Variants in MGLL observed in about 807,000 individuals in gnomAD.
MGLL encodes the protein monoglyceride lipase, also known as lysophospholipase homolog.
MGLL carries 7 observed loss-of-function variants against 29.1 expected under a neutral mutation model. The ratio of observed to expected loss-of-function variants is 0.24; its 90% confidence interval spans 0.14 to 0.45. The LOEUF (loss-of-function observed/expected upper bound fraction) is 0.45. Among genes scored for constraint, MGLL ranks in the 20% least tolerant of loss-of-function variants. MGLL has a pLI of 0.99. For synonymous variants in MGLL, 148 were observed against 168.3 expected (o/e 0.88, Z 0.93); for missense variants, 356 against 413.6 (o/e 0.86, Z 1.21).
chr3:127,695,716 C>T (rs987392377), intron 6 of MGLL, among the ~76,000 whole-genome samples: 6 of 152,032 alleles, frequency 3.9e-5, no homozygotes, highest in African/African-American at 1.2e-4. Flanking sequence ...TGCACTCTAG[C>T]CTAGGCGACA....
intron 2 of MGLL, among the ~76,000 whole-genome samples, chr3:127,788,663 G>GCGCACTCCGCAGTCCTTCCA (rs1357367818): frequency 6.6e-6 from 1 of 152,130 alleles, no homozygotes; most frequent in Admixed American, 6.5e-5. Flanking sequence ...CTTGCCCTCT[G>GCGCACTCCGCAGTCCTTCCA]CGCACTCCGC....
intron 5 of MGLL, among the ~76,000 whole-genome samples, chr3:127,716,484 C>A (rs2075817880): frequency 1.3e-5 from 2 of 152,248 alleles, no homozygotes; most frequent in Admixed American, 1.3e-4. Flanking sequence ...TGACGTGCAG[C>A]TTTGCAACAA....
At chr3:127,822,524 C>G (rs966785910), upstream of MGLL, 27 of 607,034 alleles carry the variant, frequency 4.4e-5, no homozygotes, top group Admixed American at 3.9e-4. Flanking sequence ...CCGGGGCTCC[C>G]CTCCCTCCCC....
intron 2 of MGLL, among the ~76,000 whole-genome samples, chr3:127,814,130 T>C (rs1433862963): frequency 2.0e-5 from 3 of 152,086 alleles, no homozygotes; most frequent in Non-Finnish European, 2.9e-5. Flanking sequence ...CATCACCATA[T>C]ACAAGAGACT....
intron 6 of MGLL, among the ~76,000 whole-genome samples, chr3:127,706,633 T>G (rs2075608068): frequency 6.6e-6 from 1 of 152,204 alleles, no homozygotes; most frequent in Admixed American, 6.5e-5. Context: ...GTGCCTGTTG[T>G]TTTTTTAGGG....
At chr3:127,694,924 TC>T (rs1298176088) in intron 7 of MGLL, 50 bp downstream of exon 7, 1 of 1,580,360 alleles carries the variant, frequency 6.3e-7, no homozygotes, top group East Asian at 2.2e-5. Flanking sequence ...GGTGCTGCCT[TC>T]CTGTCCCCCC....
chr3:127,692,355 G>GCAC (rs1346554495), intron 7 of MGLL, 32 bp from the exon 8 acceptor site: 1 of 1,613,516 alleles, frequency 6.2e-7, no homozygotes, highest in South Asian at 1.1e-5. Context: ...AATCAGAGCT[G>GCAC]CACCATCAGA....
intron 3 of MGLL, among the ~76,000 whole-genome samples, chr3:127,743,425 A>T (rs991048492): frequency 6.6e-6 from 1 of 152,192 alleles, no homozygotes; most frequent in Non-Finnish European, 1.5e-5. Flanking sequence ...ATAGCAGGGC[A>T]TTATATACCA....
chr3:127,803,459 G>C (rs1259434231), intron 2 of MGLL, among the ~76,000 whole-genome samples: 1 of 152,198 alleles, frequency 6.6e-6, no homozygotes, highest in Non-Finnish European at 1.5e-5. Context: ...GCAAACCATG[G>C]CCGATGCTGG....
chr3:127,748,408 AAGAGAGAGAGAGAGAGAGAGGG>A (rs147251606), intron 3 of MGLL, among the ~76,000 whole-genome samples: 17,288 of 137,680 alleles, frequency 0.13, 1,110 homozygotes, highest in Non-Finnish European at 0.16. Context: ...GAGAGAGAGA[AAGAGAGAGAGAGAGAGAGAGGG>A]AGAGAGAGAG....
chr3:127,801,220 T>C (rs2077473108), intron 2 of MGLL, among the ~76,000 whole-genome samples: 1 of 149,390 alleles, frequency 6.7e-6, no homozygotes, highest in Admixed American at 6.7e-5. Flanking sequence ...GAGAATCGCT[T>C]GAACCCAGGA....
chr3:127,748,275 C>T (rs556275175), intron 3 of MGLL, among the ~76,000 whole-genome samples: 23 of 152,170 alleles, frequency 1.5e-4, no homozygotes, highest in African/African-American at 5.3e-4. Flanking sequence ...GAATTAAATC[C>T]GAGTCATTCT....
At chr3:127,705,957 G>A (rs2075594528) in intron 6 of MGLL, among the ~76,000 whole-genome samples, 3 of 152,250 alleles carry the variant, frequency 2.0e-5, no homozygotes, top group African/African-American at 4.8e-5. Context: ...TAGTGTTGGC[G>A]AGGATGTAGG....
intron 2 of MGLL, 52 bp downstream of exon 2, chr3:127,821,642 G>C: frequency 2.5e-6 from 4 of 1,600,158 alleles, no homozygotes; most frequent in Non-Finnish European, 3.4e-6. Context: ...CAGAGGAGAA[G>C]CAGGGGCCAT....
intron 5 of MGLL, chr3:127,715,939 G>A (rs895799005): frequency 2.4e-6 from 1 of 409,292 alleles, no homozygotes; most frequent in Non-Finnish European, 5.0e-6. Flanking sequence ...TCCTACAGGA[G>A]CATTGAGAGA....
At chr3:127,693,924 G>T (rs749210949) in intron 7 of MGLL, among the ~76,000 whole-genome samples, 1 of 152,158 alleles carries the variant, frequency 6.6e-6, no homozygotes, top group Non-Finnish European at 1.5e-5. Flanking sequence ...TTGGTGTAAG[G>T]GCGGTCTCAG....
At chr3:127,697,738 G>A (rs1427440024) in intron 6 of MGLL, among the ~76,000 whole-genome samples, 1 of 152,192 alleles carries the variant, frequency 6.6e-6, no homozygotes, top group Non-Finnish European at 1.5e-5. Context: ...GACAAGGTTC[G>A]CCCCTGGAAG....
At chr3:127,792,344 C>A (rs2077313859) in intron 2 of MGLL, among the ~76,000 whole-genome samples, 1 of 152,176 alleles carries the variant, frequency 6.6e-6, no homozygotes, top group Non-Finnish European at 1.5e-5. Flanking sequence ...GTGTGATGAA[C>A]CCTGCCTTGT....
intron 3 of MGLL, among the ~76,000 whole-genome samples, chr3:127,770,343 A>AT (rs1235943281): frequency 3.3e-5 from 5 of 151,892 alleles, no homozygotes; most frequent in Non-Finnish European, 5.9e-5. Context: ...ACCCTGAAAC[A>AT]TTTTTTTTAA....
Sources: allele counts gnomAD v4.1 joint callset (sites outside exome capture counted in the v4.1 genomes callset), GRCh38; gene constraint gnomAD v4.1.1; transcripts MANE v1.5; gene names NCBI Gene and HGNC (gene_info 2026-07-23, HGNC 2026-07-21).